The following COX15 variants were observed in gnomAD, a reference collection of about 807,000 sequenced individuals.
The protein encoded by COX15 is cytochrome c oxidase assembly factor COX15.
Under a neutral mutation model 51.9 loss-of-function variants are expected in COX15, and 51 were observed. The observed-to-expected ratio is 0.98, with a 90% confidence interval of 0.78 to 1.24. COX15 has a LOEUF of 1.24. Ranked by LOEUF, COX15 falls within the 50% of genes most tolerant of loss-of-function variation. The pLI is 0.00. For synonymous variants in COX15, 188 were observed against 190.5 expected (o/e 0.99, Z 0.11); for missense variants, 420 against 501.1 (o/e 0.84, Z 1.55).
the COX15 span, chr10:99,704,923 G>C: frequency 1.9e-6 from 1 of 533,654 alleles, no homozygotes; most frequent in South Asian, 2.2e-5. Flanking sequence ...GGGGGACCAA[G>C]CTTTGTCCAA....
chr10:99,704,716 C>A, the COX15 span: 1 of 1,573,778 alleles, frequency 6.4e-7, no homozygotes. Context: ...CTTGAGCACC[C>A]CCGAGTTGCT....
the COX15 span, among the ~76,000 whole-genome samples, chr10:99,700,314 A>G: frequency 6.6e-6 from 1 of 152,056 alleles, no homozygotes; most frequent in Non-Finnish European, 1.5e-5. Flanking sequence ...CACTCTATCC[A>G]AAATGACAAC....
At chr10:99,698,821 G>A in the COX15 span, 1 of 1,609,694 alleles carries the variant, frequency 6.2e-7, no homozygotes, top group Non-Finnish European at 8.5e-7. Flanking sequence ...CGCATTGGTG[G>A]CCGCTACCAT....
the COX15 span, among the ~76,000 whole-genome samples, chr10:99,694,984 A>G: frequency 6.6e-6 from 1 of 152,254 alleles, no homozygotes; most frequent in African/African-American, 2.4e-5. Flanking sequence ...ACACATTAGA[A>G]TGGTTGCCCA....
chr10:99,716,981 C>T (rs897910723), intron 7 of COX15, among the ~76,000 whole-genome samples: 1 of 152,130 alleles, frequency 6.6e-6, no homozygotes, highest in Non-Finnish European at 1.5e-5. Flanking sequence ...TCCTCTTCCA[C>T]GGTATCAGGG....
Position 99,710,871 on chromosome 10 carries a change from A to G in COX15, c.*3716T>C. Reference sequence around the variant, plus strand: ...CAAAAAATTCTAGGTTGACTGATTAAGAAAGCCATGTGTTTTAATTTCCTT... The same window carrying G: ...CAAAAAATTCTAGGTTGACTGATTAGGAAAGCCATGTGTTTTAATTTCCTT... On this transcript the variant is annotated 3_prime_UTR_variant, in exon 9 of 9. Transcript: ENST00000016171. The G allele has an allele frequency of 1.0e-6, 1 of 985,434 alleles. No homozygotes were observed. Among genetic ancestry groups the G allele is most frequent in the Non-Finnish European group, 1.2e-6 (1 of 829,912 alleles). The allele number at this position is 985,434 out of a possible 1,614,324, so 61.0% of individuals were successfully genotyped here.
At chr10:99,695,946 T>G in the COX15 span, 1 of 1,601,286 alleles carries the variant, frequency 6.2e-7, no homozygotes, top group African/African-American at 1.3e-5. Flanking sequence ...CTCTTGGTAT[T>G]GTATTATAGG....
At chr10:99,697,776 C>G in the COX15 span, 2 of 161,124 alleles carry the variant, frequency 1.2e-5, no homozygotes, top group Non-Finnish European at 2.8e-5. Context: ...GTCCACTCTT[C>G]AACATCTGTC....
the COX15 span, chr10:99,704,341 T>G: frequency 9.4e-7 from 1 of 1,060,820 alleles, no homozygotes; most frequent in Non-Finnish European, 1.4e-6. Context: ...CATAAAATGT[T>G]TATGTGGATG....
intron 7 of COX15, 128 bp downstream of exon 7, chr10:99,718,218 T>A: frequency 9.4e-7 from 1 of 1,063,488 alleles, no homozygotes; most frequent in Non-Finnish European, 1.4e-6. Context: ...CTAAAATTTC[T>A]TCCAAAGAGA....
chr10:99,709,164 G>A (rs1038216904), downstream of COX15: 4 of 985,152 alleles, frequency 4.1e-6, no homozygotes, highest in Admixed American at 1.2e-4. Flanking sequence ...CTAGATGAAG[G>A]TATAAATGCC....
chr10:99,702,479 T>C, the COX15 span: 1 of 1,504,516 alleles, frequency 6.6e-7, no homozygotes, highest in Non-Finnish European at 8.9e-7. Context: ...TTCTTTTCTC[T>C]TTTTTTAAAA....
chr10:99,703,461 G>A, the COX15 span, among the ~76,000 whole-genome samples: 2 of 152,188 alleles, frequency 1.3e-5, no homozygotes, highest in Non-Finnish European at 2.9e-5. Flanking sequence ...GTTCTCATCT[G>A]TCCAGAAAAG....
intron 1 of COX15, among the ~76,000 whole-genome samples, chr10:99,729,936 A>G (rs760815354): frequency 6.6e-6 from 1 of 152,140 alleles, no homozygotes; most frequent in Non-Finnish European, 1.5e-5. Flanking sequence ...ACTCAAACCT[A>G]TCCCCAACTA....
rs749956010 is a variant in COX15 at position 99,718,398 on chromosome 10, A to G, written c.935T>C (p.Leu312Pro). The G allele has an allele frequency of 3.7e-6, 6 of 1,614,106 alleles. No homozygotes were observed. Among genetic ancestry groups the G allele is most frequent in the Non-Finnish European group, 5.1e-6 (6 of 1,180,000 alleles). ...GGTGGGATTCTCAAAAACATTCCTC[A>G]GGATGGGGGAGAAGGTAAAGAGGTC... ...PEDLFTFSPI[L>P]RNVFENPTMV... is the part of the protein sequence containing the mutation. The change falls in exon 7 of 9, where the codon CTG becomes CCG. Residue 312 changes from leucine to proline, a missense_variant. Transcript: ENST00000016171.
chr10:99,708,805 A>C, downstream of COX15: 1 of 985,288 alleles, frequency 1.0e-6, no homozygotes, highest in Non-Finnish European at 1.2e-6. Flanking sequence ...GTGCAAAGTC[A>C]TAGTGACTGG....
chr10:99,715,012 T>G (rs1420901761), intron 8 of COX15, among the ~76,000 whole-genome samples: 2 of 152,234 alleles, frequency 1.3e-5, no homozygotes, highest in African/African-American at 4.8e-5. Context: ...AAATATATAG[T>G]TTTGTGCTTT....
chr10:99,704,547 T>C, the COX15 span: 4 of 1,614,188 alleles, frequency 2.5e-6, no homozygotes, highest in South Asian at 4.4e-5. Flanking sequence ...TGTATCCTGG[T>C]GGTGCTACTG....
In COX15 at chr10:99,720,993, G is replaced by C. The variant is rs756918667; in HGVS notation, c.826C>G (p.Leu276Val). 1.9e-6 allele frequency: 3 copies of C among 1,613,512 alleles called. No homozygotes were observed. Among genetic ancestry groups the C allele is most frequent in the East Asian group, 2.2e-5 (1 of 44,876 alleles). Residue 276 changes from leucine (L) to valine (V), a missense_variant, in exon 6 of 9, where the codon CTC (leucine) becomes GTC (valine). Coordinates refer to ENST00000016171, the MANE Select transcript of COX15 (RefSeq NM_078470.6). ...TTGATGAGCTGAGTCCTACCTGAGAGGGCCGTAAGGAACACCAGACCTGCT... is the reference window on the plus strand; with the variant it reads ...TTGATGAGCTGAGTCCTACCTGAGACGGCCGTAAGGAACACCAGACCTGCT... Reference protein sequence around the residue: ...GTAGLVFLTALSGAFVAGLDA... With the variant: ...GTAGLVFLTAVSGAFVAGLDA...
Sources: gnomAD v4.1 joint callset for allele counts (sites outside exome capture counted in the v4.1 genomes callset) on GRCh38, gnomAD v4.1.1 for gene constraint, MANE v1.5 for transcripts, NCBI Gene and HGNC (gene_info 2026-07-23, HGNC 2026-07-21) for gene names.